UPP2: variants seen among roughly 807,000 people sequenced by gnomAD.
UPP2 encodes uridine phosphorylase 2.
A neutral mutation model predicts 26.7 loss-of-function variants in UPP2; 23 were observed. The ratio of observed to expected loss-of-function variants is 0.86; its 90% confidence interval spans 0.62 to 1.22. The LOEUF (loss-of-function observed/expected upper bound fraction) is 1.22. Ranked by LOEUF, UPP2 falls within the 50% of genes most tolerant of loss-of-function variation. UPP2 has a pLI of 0.00. For missense variants in UPP2, 387 were observed against 396.7 expected (o/e 0.98, Z 0.21); for synonymous variants, 127 against 141.3 (o/e 0.90, Z 0.72).
chr2:158,054,708 T>C (rs948665612), intron 3 of UPP2, among the ~76,000 whole-genome samples: 36 of 152,212 alleles, frequency 2.4e-4, no homozygotes, highest in African/African-American at 8.4e-4. Flanking sequence ...AATTGGTTCT[T>C]CTCATCCCCA....
At chr2:158,093,945 A>AAT (rs1367285031) in intron 3 of UPP2, among the ~76,000 whole-genome samples, 1 of 150,558 alleles carries the variant, frequency 6.6e-6, no homozygotes, top group African/African-American at 2.4e-5. Flanking sequence ...CAGTTTTAAA[A>AAT]ATATATATAT....
chr2:158,066,191 A>G (rs1158137260), intron 3 of UPP2: 1 of 157,882 alleles, frequency 6.3e-6, no homozygotes, highest in Non-Finnish European at 1.4e-5. Flanking sequence ...GGAGTACTGA[A>G]AGGCAGTTTT....
At chr2:158,032,331 T>C (rs888834910) in intron 3 of UPP2, among the ~76,000 whole-genome samples, 1 of 152,106 alleles carries the variant, frequency 6.6e-6, no homozygotes, top group Non-Finnish European at 1.5e-5. Flanking sequence ...AGGGATGCCA[T>C]GTAGGGGACC....
chr2:158,019,441 A>C (rs1683712333), intron 3 of UPP2, among the ~76,000 whole-genome samples: 1 of 151,672 alleles, frequency 6.6e-6, no homozygotes, highest in Non-Finnish European at 1.5e-5. Flanking sequence ...CAGAAGCCTC[A>C]CTCCTGGGGC....
At chr2:158,095,490 T>C (rs1163608175) in intron 3 of UPP2, among the ~76,000 whole-genome samples, 1 of 152,140 alleles carries the variant, frequency 6.6e-6, no homozygotes, top group Admixed American at 6.6e-5. Context: ...TTGGACTTTG[T>C]CTTCTTTAAT....
At position 158,117,916 on chromosome 2, in the gene UPP2, A is replaced by G; in HGVS notation, c.432A>G (p.Arg144=). Residue 144 remains arginine, a synonymous_variant, in exon 4 of 7, where the codon AGA becomes AGG. Transcript: ENST00000005756. ...GGTGCTGCGATGTCACCATTATTAG[A>G]ATCGGTACATCAGGGGGAATAGGTG... ...HARCCDVTII[R]IGTSGGIGIA... 1 of 1,611,826 alleles carries G rather than the reference A, an allele frequency of 6.2e-7. No homozygotes were observed. Among genetic ancestry groups the G allele is most frequent in the Non-Finnish European group, 8.5e-7 (1 of 1,177,944 alleles).
intron 3 of UPP2, among the ~76,000 whole-genome samples, chr2:158,032,647 G>A (rs1039868894): frequency 2.5e-4 from 38 of 152,036 alleles, no homozygotes; most frequent in East Asian, 7.8e-4. Context: ...TTGGGGCTAC[G>A]GGGAGCATTG....
intron 3 of UPP2, 54 bp from the exon 4 acceptor site, chr2:158,117,770 C>T: frequency 7.7e-7 from 1 of 1,304,700 alleles, no homozygotes; most frequent in Non-Finnish European, 1.1e-6. Context: ...AAATTATGTC[C>T]TGTTCATGTA....
intron 3 of UPP2, among the ~76,000 whole-genome samples, chr2:158,023,776 G>A (rs1683792890): frequency 6.6e-6 from 1 of 152,178 alleles, no homozygotes; most frequent in East Asian, 1.9e-4. Context: ...TCTTCTGGTG[G>A]CCCATGGCTT....
intron 3 of UPP2, among the ~76,000 whole-genome samples, chr2:158,058,419 C>CCTGTGTG (rs1682294260): frequency 1.5e-5 from 2 of 136,376 alleles, no homozygotes; most frequent in Non-Finnish European, 1.5e-5. Context: ...TCCCCCCAAC[C>CCTGTGTG]TGTGTGTGTG....
chr2:158,122,883 G>A (rs925281862), intron 5 of UPP2, among the ~76,000 whole-genome samples: 2 of 152,130 alleles, frequency 1.3e-5, no homozygotes, highest in South Asian at 2.1e-4. Context: ...GTGGTGGCAC[G>A]CAGCTCTAAT....
intron 2 of UPP2, among the ~76,000 whole-genome samples, chr2:158,012,919 A>G (rs1230685359): frequency 6.6e-6 from 1 of 152,178 alleles, no homozygotes; most frequent in Non-Finnish European, 1.5e-5. Flanking sequence ...ATGATCTCAT[A>G]CCCTACTATA....
At chr2:158,125,648 G>A (rs1683677609) in intron 6 of UPP2, among the ~76,000 whole-genome samples, 1 of 152,112 alleles carries the variant, frequency 6.6e-6, no homozygotes. Flanking sequence ...TTGAACTCCT[G>A]ACATCAAGTG....
At chr2:158,121,737 A>G in intron 5 of UPP2, 119 bp downstream of exon 5, 1 of 940,552 alleles carries the variant, frequency 1.1e-6, no homozygotes. Context: ...TGGGTTAAAA[A>G]GGAAATGAAA....
chr2:158,132,572 A>C (rs1033475911), intron 6 of UPP2, among the ~76,000 whole-genome samples: 6 of 152,236 alleles, frequency 3.9e-5, no homozygotes, highest in Non-Finnish European at 7.3e-5. Flanking sequence ...CAAACAAAAA[A>C]GATACATGGA....
chr2:158,121,788 T>A (rs1336806953), intron 5 of UPP2, among the ~76,000 whole-genome samples, 170 bp downstream of exon 5: 1 of 151,956 alleles, frequency 6.6e-6, no homozygotes, highest in Non-Finnish European at 1.5e-5. Flanking sequence ...CACAAGGACA[T>A]AATGAGCAGC....
upstream of UPP2, among the ~76,000 whole-genome samples, chr2:158,099,377 G>A (rs894556784): frequency 2.6e-5 from 4 of 152,198 alleles, no homozygotes; most frequent in East Asian, 1.9e-4. Flanking sequence ...GGAATCTGAT[G>A]TGGCAGGAGG....
At chr2:158,110,961 T>G (rs932474676) in intron 2 of UPP2, among the ~76,000 whole-genome samples, 4 of 152,238 alleles carry the variant, frequency 2.6e-5, no homozygotes, top group African/African-American at 7.2e-5. Context: ...TGAGGTTGCC[T>G]GTTCACTCTG....
chr2:158,128,294 G>T (rs1283355212), intron 6 of UPP2, among the ~76,000 whole-genome samples: 2 of 152,178 alleles, frequency 1.3e-5, no homozygotes, highest in African/African-American at 4.8e-5. Context: ...AGAGGGAGCA[G>T]AATCTTGACT....
Sources: gnomAD v4.1 joint callset for allele counts (sites outside exome capture counted in the v4.1 genomes callset) on GRCh38, gnomAD v4.1.1 for gene constraint, MANE v1.5 for transcripts, NCBI Gene and HGNC (gene_info 2026-07-23, HGNC 2026-07-21) for gene names.